The following EPHB2 variants were observed in gnomAD, a reference collection of about 807,000 sequenced individuals.
EPHB2 encodes ephrin type-B receptor 2.
In EPHB2, 18 loss-of-function variants were observed where a neutral mutation model predicts 96.4. The observed-to-expected ratio is 0.19, with a 90% CI of 0.13 to 0.28. The LOEUF is 0.28. EPHB2 is among the 10% of genes least tolerant of loss of function. The probability of loss-of-function intolerance (pLI) is 1.00; values close to 1 mark genes in which losing one functional copy is unlikely to be tolerated. For synonymous variants in EPHB2, 506 were observed against 534.1 expected (o/e 0.95, Z 0.72); for missense variants, 989 against 1,355.4 (o/e 0.73, Z 4.25).
intron 5 of EPHB2, among the ~76,000 whole-genome samples, chr1:22,878,736 G>A (rs1413843264): frequency 6.6e-6 from 1 of 152,210 alleles, no homozygotes; most frequent in Non-Finnish European, 1.5e-5. Context: ...GCTGCATACG[G>A]GTCTGTTGGA....
chr1:22,857,051 C>A (rs1330456981), intron 3 of EPHB2, among the ~76,000 whole-genome samples: 2 of 152,184 alleles, frequency 1.3e-5, no homozygotes, highest in Non-Finnish European at 2.9e-5. Flanking sequence ...AAGACTCAGC[C>A]CCTACCCCAA....
intron 1 of EPHB2, among the ~76,000 whole-genome samples, chr1:22,718,489 G>A (rs149083724): frequency 6.0e-5 from 9 of 149,420 alleles, no homozygotes; most frequent in Non-Finnish European, 1.3e-4. Context: ...GGGTTCAAGA[G>A]ATTTTCCTGC....
intron 1 of EPHB2, among the ~76,000 whole-genome samples, chr1:22,711,308 C>T (rs1208145803): frequency 6.8e-6 from 1 of 147,750 alleles, no homozygotes; most frequent in Non-Finnish European, 1.5e-5. Flanking sequence ...CGGCGAGCGC[C>T]GCCCAGGGCT....
chr1:22,882,238 G>T, intron 5 of EPHB2, 121 bp from the exon 6 acceptor site: 1 of 1,540,986 alleles, frequency 6.5e-7, no homozygotes, highest in Non-Finnish European at 8.8e-7. Context: ...TGTGGCCTCA[G>T]CCAGATGCCC....
Position 22,908,086 on chromosome 1 carries a change from A to G in EPHB2, c.2270A>G (p.Asn757Ser). Residue 757 changes from asparagine (N) to serine (S), a missense_variant, in exon 12 of 16, where the codon AAC becomes AGC. Asn to Ser is a conservative substitution (Grantham distance 46). Coordinates refer to ENST00000374630, the MANE Select transcript of EPHB2 (RefSeq NM_017449.5). ...GCCCGCAACATCCTCGTCAACAGCA[A>G]CCTGGTCTGCAAGGTGTCGGACTTT... is the stretch of plus-strand genomic sequence containing the variant. ...LAARNILVNS[N>S]LVCKVSDFGL... 6.2e-7 allele frequency: 1 copy of G among 1,614,228 alleles called. No individual in the cohort carries two copies. The highest frequency in any genetic ancestry group is 8.5e-7 in the Non-Finnish European group (1 of 1,180,044).
intron 5 of EPHB2, among the ~76,000 whole-genome samples, chr1:22,870,988 A>G (rs1638646160): frequency 6.6e-6 from 1 of 152,164 alleles, no homozygotes; most frequent in African/African-American, 2.4e-5. Flanking sequence ...AGGCGCCTAA[A>G]ACACAGAGAT....
chr1:22,765,123 A>T (rs1644289556), intron 1 of EPHB2, among the ~76,000 whole-genome samples: 1 of 151,954 alleles, frequency 6.6e-6, no homozygotes, highest in South Asian at 2.1e-4. Flanking sequence ...CATTCTGGGA[A>T]CCAATTCTGG....
rs769230171 is a variant in EPHB2, at chr1:22,784,848, C to A, written c.583C>A (p.Arg195Ser). ...MSLIAVRVFY[R>S]KCPRIIQNGA... The stretch of plus-strand genomic sequence containing the variant: ...CCTCATCGCCGTGCGTGTCTTCTAC[C>A]GCAAGTGCCCCCGCATCATCCAGAA... Residue 195 changes from arginine to serine, a missense_variant, in exon 3 of 16, where the codon CGC (arginine) becomes AGC (serine). By Grantham distance (110) the Arg-to-Ser change is moderately radical. Coordinates refer to ENST00000374630, the MANE Select transcript of EPHB2 (RefSeq NM_017449.5). This position sits in a 1 kb window ranked among gnomAD's most constrained non-coding sequence, Gnocchi z 5.1. 1.2e-6 allele frequency: 2 copies of A among 1,608,484 alleles called. No homozygotes were observed. Among genetic ancestry groups the A allele is most frequent in the East Asian group, 2.2e-5 (1 of 44,808 alleles).
chr1:22,765,027 AG>A (rs1397756555), intron 1 of EPHB2, among the ~76,000 whole-genome samples: 1 of 152,154 alleles, frequency 6.6e-6, no homozygotes, highest in Non-Finnish European at 1.5e-5. Context: ...GAGGACAGGC[AG>A]GGGTGCTGAG....
intron 1 of EPHB2, among the ~76,000 whole-genome samples, chr1:22,745,758 C>T (rs1643965313): frequency 6.6e-6 from 1 of 150,402 alleles, no homozygotes; most frequent in South Asian, 2.1e-4. Context: ...CAATGGGGGG[C>T]TTTGTTGATG....
intron 3 of EPHB2, among the ~76,000 whole-genome samples, chr1:22,821,624 G>A (rs557463515): frequency 5.1e-4 from 77 of 152,256 alleles, no homozygotes; most frequent in South Asian, 1.7e-3. Context: ...TACATTCTGG[G>A]ACATTTCTTC....
At chr1:22,883,566 A>G (rs1639119802) in intron 6 of EPHB2, among the ~76,000 whole-genome samples, 1 of 152,234 alleles carries the variant, frequency 6.6e-6, no homozygotes, top group Non-Finnish European at 1.5e-5. Flanking sequence ...GGGCAAGCCC[A>G]CGGGGAACTG....
chr1:22,766,483 G>A (rs1317938527), intron 1 of EPHB2, among the ~76,000 whole-genome samples: 1 of 152,218 alleles, frequency 6.6e-6, no homozygotes, highest in Non-Finnish European at 1.5e-5. Flanking sequence ...GATGATTGTG[G>A]TACTAGCCTC....
At chr1:22,808,760 C>T (rs575170353) in intron 3 of EPHB2, among the ~76,000 whole-genome samples, 5 of 152,352 alleles carry the variant, frequency 3.3e-5, no homozygotes, top group South Asian at 2.1e-4. Context: ...CATTTTACAA[C>T]GAGAAAAGCT....
At chr1:22,842,977 G>GTTTATT (rs754976622) in intron 3 of EPHB2, among the ~76,000 whole-genome samples, 17 of 152,210 alleles carry the variant, frequency 1.1e-4, no homozygotes, top group South Asian at 1.0e-3. Context: ...TCTAATACCT[G>GTTTATT]TTTATTTTTC....
chr1:22,883,989 A>T (rs1363316115), intron 6 of EPHB2, among the ~76,000 whole-genome samples: 1 of 86,628 alleles, frequency 1.2e-5, no homozygotes, highest in Non-Finnish European at 2.3e-5. Flanking sequence ...CACCCACCTC[A>T]CTGCCCACCC....
intron 3 of EPHB2, among the ~76,000 whole-genome samples, chr1:22,785,700 C>T (rs2148426644): frequency 6.6e-6 from 1 of 152,346 alleles, no homozygotes; most frequent in East Asian, 1.9e-4. Context: ...AATGCGCCCC[C>T]GCCATAACCT....
chr1:22,801,546 G>A (rs759183463), intron 3 of EPHB2, among the ~76,000 whole-genome samples: 1 of 151,838 alleles, frequency 6.6e-6, no homozygotes, highest in Non-Finnish European at 1.5e-5. Flanking sequence ...CCTTCCCACC[G>A]CATTCCAAGA....
rs138655021 is a variant in EPHB2 at position 22,743,941 on chromosome 1, C to T, written c.61+32898C>T. On this transcript the variant is annotated intron_variant, in intron 1 of 15. Coordinates refer to ENST00000374630, the MANE Select transcript of EPHB2 (RefSeq NM_017449.5). ...TGGCATCCGGGGCAGCAGGTAATGA[C>T]GCTGTTCTTATCTGAACCCCCAAAT... 3.0e-3 allele frequency among the ~76,000 whole-genome samples: 459 copies of T among 152,244 alleles called. 8 individuals carry two copies. The highest frequency in any genetic ancestry group is 1.2e-3 in the Non-Finnish European group (85 of 68,026).
Sources: allele counts gnomAD v4.1 joint callset (sites outside exome capture counted in the v4.1 genomes callset), GRCh38; gene constraint gnomAD v4.1.1; non-coding constraint Gnocchi (gnomAD v3.1); transcripts MANE v1.5; gene names NCBI Gene and HGNC (gene_info 2026-07-23, HGNC 2026-07-21).